SRCAP: variants seen among roughly 807,000 people sequenced by gnomAD.
The protein encoded by SRCAP is Snf2 related CREBBP activator protein, also known as chromatin remodeling protein SRCAP.
Under a neutral mutation model 263.1 loss-of-function variants are expected in SRCAP, and 46 were observed. The observed-to-expected ratio is 0.17, with a 90% CI of 0.14 to 0.22. The LOEUF is 0.22. SRCAP is among the 10% of genes least tolerant of loss of function. SRCAP has a pLI of 1.00. For synonymous variants in SRCAP, 1,813 were observed against 1,662.1 expected, an observed-to-expected ratio of 1.09 and a Z score of -2.21; for missense variants, 3,695 against 4,181.9, an observed-to-expected ratio of 0.88 and a Z score of 3.21.
At position 30,700,813 on chromosome 16, in the gene SRCAP, G is replaced by A; in HGVS notation, c.-12G>A. ...TCTTCAGGCATCCAAGGGGGAGCCTGGGAGTGGGACCATGCAGAGCAGCCC... is the reference window on the plus strand; with the variant it reads ...TCTTCAGGCATCCAAGGGGGAGCCTAGGAGTGGGACCATGCAGAGCAGCCC... On this transcript the variant is annotated 5_prime_UTR_variant, in exon 3 of 34. Coordinates refer to ENST00000262518, the MANE Select transcript of SRCAP (RefSeq NM_006662.3). The A allele has an allele frequency of 6.2e-7, 1 of 1,613,460 alleles. No individual in the cohort carries two copies. The highest frequency in any genetic ancestry group is 1.1e-5 in the South Asian group (1 of 91,038).
intron 21 of SRCAP, 32 bp downstream of exon 21, chr16:30,721,508 T>G (rs779319925): frequency 7.2e-5 from 115 of 1,597,052 alleles, no homozygotes; most frequent in Non-Finnish European, 9.2e-5. Flanking sequence ...GTGAGGGACT[T>G]GAGATGGGAG....
chr16:30,704,204 T>C lies in SRCAP; in HGVS notation c.195T>C (p.Asp65=). 6.2e-7 allele frequency: 1 copy of C among 1,614,166 alleles called. No individual in the cohort carries two copies. The highest frequency in any genetic ancestry group is 8.5e-7 in the Non-Finnish European group (1 of 1,180,028). ...TGGATGGACCTCCAGGCCCCCCAGA[T>C]GGTGCCACAGTGCCCCTGGAGGGGT... ...SSLDGPPGPP[D]GATVPLEGFS... Residue 65 remains aspartate, a synonymous_variant, in exon 4 of 34, where the codon GAT becomes GAC. Transcript: ENST00000262518.
At position 30,722,105 on chromosome 16, in the gene SRCAP, G is replaced by T. The variant is rs1374508000; in HGVS notation, c.3542-17G>T. 6.2e-7 allele frequency: 1 copy of T among 1,609,754 alleles called. No individual in the cohort carries two copies. The highest frequency in any genetic ancestry group is 8.5e-7 in the Non-Finnish European group (1 of 1,177,564). ...CAGGATGAGCCTTGTGTACAATAAG[G>T]CCTTCTCTGTTTTTAGCAGGCGAAG... is the stretch of plus-strand genomic sequence containing the variant. On this transcript the variant is annotated splice_polypyrimidine_tract_variant and intron_variant, in intron 21 of 33. Coordinates refer to ENST00000262518, the MANE Select transcript of SRCAP (RefSeq NM_006662.3).
intron 3 of SRCAP, 78 bp downstream of exon 3, chr16:30,700,956 G>A (rs1453973729): frequency 1.3e-6 from 2 of 1,500,414 alleles, no homozygotes; most frequent in Non-Finnish European, 1.9e-6. Flanking sequence ...ATGTGGCAGG[G>A]GAATATTTGT....
Position 30,716,149 on chromosome 16 carries a change from C to T in SRCAP, c.2577C>T (p.Cys859=). 1.9e-6 allele frequency: 3 copies of T among 1,614,210 alleles called. No individual in the cohort carries two copies. Among genetic ancestry groups the T allele is most frequent in the Non-Finnish European group, 2.5e-6 (3 of 1,180,042 alleles). Residue 859 remains cysteine (C), a synonymous_variant, in exon 17 of 34, where the codon TGC becomes TGT. Transcript: ENST00000262518. ...AAAAGTACGAGCATGTTATCCGCTG[C>T]AGGCTCTCCAAGCGTCAACGCTGTC... ...MPKKYEHVIR[C]RLSKRQRCLY...
In SRCAP at chr16:30,720,964, G is replaced by C. The variant is rs780477234; in HGVS notation, c.3239G>C (p.Gly1080Ala). The change falls in exon 20 of 34, where the codon GGT (glycine) becomes GCT (alanine). Residue 1080 changes from glycine to alanine, a missense_variant. By Grantham distance (60) the Gly-to-Ala change is moderately conservative. Around this residue, in one of 12 missense-constraint regions of SRCAP, gnomAD observed 1,347 missense variants for 1,304.4 expected, o/e 1.03. Transcript: ENST00000262518. Reference protein sequence around the residue: ...VLLPPLQPNSGSLPQVLPSPL... With the variant: ...VLLPPLQPNSASLPQVLPSPL... The stretch of plus-strand genomic sequence containing the variant: ...TTGCCTCCACTGCAGCCCAACAGTG[G>C]TTCTCTCCCCCAGGGTGAGTTGAAA... 6.2e-7 allele frequency: 1 copy of C among 1,607,444 alleles called. No homozygotes were observed. The highest frequency in any genetic ancestry group is 1.1e-5 in the South Asian group (1 of 90,040).
chr16:30,722,028 TGGACACTCGGG>T (rs1296127692), intron 21 of SRCAP, 83 bp from the exon 22 acceptor site: 8 of 1,475,128 alleles, frequency 5.4e-6, no homozygotes, highest in African/African-American at 1.4e-5. Context: ...TTGTTTGAAC[TGGACACTCGGG>T]GGAGAGGTGT....
At chr16:30,714,355 C>T (rs1045568424) in intron 16 of SRCAP, among the ~76,000 whole-genome samples, 2 of 150,846 alleles carry the variant, frequency 1.3e-5, no homozygotes, top group African/African-American at 4.9e-5. Flanking sequence ...TGAGCCACCG[C>T]GCCCGGCCTA....
Position 30,711,564 on chromosome 16 carries a change from C to T in SRCAP, c.1319-7C>T, listed in dbSNP as rs1273937849. 4 of 1,577,220 alleles carry T rather than the reference C, an allele frequency of 2.5e-6. No individual in the cohort carries two copies. Among genetic ancestry groups the T allele is most frequent in the Non-Finnish European group, 2.6e-6 (3 of 1,164,710 alleles). Reference sequence around the variant, plus strand: ...GAGCAACCAAAAGCTTTTTGTTTCTCTTCCAGGTGAGCTTTCCATGGAGGA... The same window carrying T: ...GAGCAACCAAAAGCTTTTTGTTTCTTTTCCAGGTGAGCTTTCCATGGAGGA... On this transcript the variant is annotated splice_polypyrimidine_tract_variant and splice_region_variant and intron_variant, in intron 10 of 33. Transcript: ENST00000262518.
At chr16:30,700,479 TAGTA>T (rs1397798391) in intron 2 of SRCAP, 133 bp from the exon 3 acceptor site, 6 of 224,176 alleles carry the variant, frequency 2.7e-5, no homozygotes, top group South Asian at 2.3e-4. Context: ...ATCTTATACA[TAGTA>T]AGTGCTCAAG....
chr16:30,717,506 G>T (rs1034104578), intron 18 of SRCAP, among the ~76,000 whole-genome samples: 2 of 150,294 alleles, frequency 1.3e-5, no homozygotes, highest in Non-Finnish European at 2.9e-5. Context: ...GAGTTCAGTG[G>T]TATGATCATA....
chr16:30,729,494 C>G lies in SRCAP; in HGVS notation c.6049C>G (p.Arg2017Gly). The G allele has an allele frequency of 6.2e-7, 1 of 1,614,204 alleles. No individual in the cohort carries two copies. Among genetic ancestry groups the G allele is most frequent in the Non-Finnish European group, 8.5e-7 (1 of 1,180,034 alleles). Residue 2017 changes from arginine to glycine, a missense_variant, in exon 27 of 34, where the codon CGG becomes GGG. Transcript: ENST00000262518. The stretch of plus-strand genomic sequence containing the variant: ...GCAATTGGCCTCTGAGCTCTGGCCC[C>G]GGGCTCGTCCTTTGCACCGTATTGT... ...QEQLASELWPRARPLHRIVCN... is the reference protein window; with the variant it reads ...QEQLASELWPGARPLHRIVCN...
intron 25 of SRCAP, among the ~76,000 whole-genome samples, chr16:30,726,902 A>T (rs945361461): frequency 6.6e-6 from 1 of 152,042 alleles, no homozygotes; most frequent in African/African-American, 2.4e-5. Context: ...GGGTTTCACC[A>T]TGTTGGCCGG....
rs2053039681 is a variant in SRCAP at position 30,724,189 on chromosome 16, C to T, written c.4765C>T (p.Pro1589Ser). ...ASQALATPLA[P>S]MAAPQTAILA... The stretch of plus-strand genomic sequence containing the variant: ...TCAGGCTCTAGCCACCCCTCTGGCT[C>T]CTATGGCGGCTCCACAGACAGCAAT... The change falls in exon 25 of 34, where the codon CCT (proline) becomes TCT (serine). Residue 1589 changes from proline to serine, a missense_variant. By Grantham distance (74) the Pro-to-Ser change is moderately conservative. Coordinates refer to ENST00000262518, the MANE Select transcript of SRCAP (RefSeq NM_006662.3). 4 of 1,614,140 alleles carry T rather than the reference C, an allele frequency of 2.5e-6. No individual in the cohort carries two copies. Among genetic ancestry groups the T allele is most frequent in the South Asian group, 1.1e-5 (1 of 91,082 alleles).
chr16:30,724,560 A>T lies in SRCAP; in HGVS notation c.5136A>T (p.Pro1712=). The change falls in exon 25 of 34, where the codon CCA becomes CCT. Residue 1712 remains proline (P), a synonymous_variant. Coordinates refer to ENST00000262518, the MANE Select transcript of SRCAP (RefSeq NM_006662.3). The stretch of plus-strand genomic sequence containing the variant: ...CGGGGAACCCCCAGGGACCCTTTCC[A>T]ACTCAGACATTGTCATTAACTCCAG... ...LGTGNPQGPF[P]TQTLSLTPAS... is the part of the protein sequence containing the mutation. 6.2e-7 allele frequency: 1 copy of T among 1,614,150 alleles called. No homozygotes were observed. The highest frequency in any genetic ancestry group is 8.5e-7 in the Non-Finnish European group (1 of 1,180,038).
At chr16:30,710,201 C>T (rs1300848217) in intron 8 of SRCAP, 73 bp downstream of exon 8, 7 of 1,499,022 alleles carry the variant, frequency 4.7e-6, no homozygotes, top group Non-Finnish European at 5.4e-6. Flanking sequence ...GAGTTCCGGG[C>T]TGTGAGGTTG....
rs753339410 is a variant in SRCAP, at chr16:30,710,820, G to A, written c.1201G>A (p.Glu401Lys). 6.2e-7 allele frequency: 1 copy of A among 1,614,216 alleles called. No homozygotes were observed. The highest frequency in any genetic ancestry group is 1.7e-5 in the Admixed American group (1 of 60,020). Residue 401 changes from glutamate to lysine, a missense_variant, in exon 9 of 34, where the codon GAA becomes AAA. Transcript: ENST00000262518. Reference sequence around the variant, plus strand: ...GCCTTGGCATCCAGATGAAGATGATGAAGAGTTTACTGCCAACGAAGAGGA... The same window carrying A: ...GCCTTGGCATCCAGATGAAGATGATAAAGAGTTTACTGCCAACGAAGAGGA... ...KQPWHPDEDD[E>K]EFTANEEEAE...
At chr16:30,704,413 G>A in intron 4 of SRCAP, 98 bp downstream of exon 4, 1 of 1,443,006 alleles carries the variant, frequency 6.9e-7, no homozygotes, top group Non-Finnish European at 9.3e-7. Context: ...TTTTTGTCAT[G>A]GATTTAGGGT....
Position 30,733,068 on chromosome 16 carries a change from T to C in SRCAP, c.6128-212T>C, listed in dbSNP as rs1226100022. ...CCAGGCTGGTCTTGAACTCCCGACT[T>C]AAAGTGATCCACCTGCCTCAGCTTC... On this transcript the variant is annotated intron_variant, in intron 27 of 33. Coordinates refer to ENST00000262518, the MANE Select transcript of SRCAP (RefSeq NM_006662.3). The surrounding 1 kb of genome is among the most constrained non-coding windows in gnomAD (Gnocchi z 5.3). Among the ~76,000 whole-genome samples the C allele has an allele frequency of 7.2e-5, 11 of 152,152 alleles. No individual in the cohort carries two copies. Among genetic ancestry groups the C allele is most frequent in the Non-Finnish European group, 1.3e-4 (9 of 68,028 alleles).
Sources: allele counts gnomAD v4.1 joint callset (sites outside exome capture counted in the v4.1 genomes callset), GRCh38; gene constraint gnomAD v4.1.1; regional missense constraint gnomAD v4.1.1; non-coding constraint Gnocchi (gnomAD v3.1); transcripts MANE v1.5; gene names NCBI Gene and HGNC (gene_info 2026-07-23, HGNC 2026-07-21).